The following CSMD3 variants were observed in gnomAD, a reference collection of about 807,000 sequenced individuals.
CSMD3 encodes CUB and Sushi multiple domains 3, also known as CUB and sushi domain-containing protein 3.
CSMD3 carries 177 observed loss-of-function variants against 435.2 expected under a neutral mutation model. The ratio of observed to expected loss-of-function variants is 0.41; its 90% CI spans 0.36 to 0.46. The LOEUF is 0.46. Among genes scored for constraint, CSMD3 ranks in the 20% least tolerant of loss-of-function variants. The pLI is 0.34. For missense variants in CSMD3, 4,265 were observed against 4,504.6 expected (o/e 0.95, Z 1.52); for synonymous variants, 1,656 against 1,520.5 (o/e 1.09, Z -2.07).
chr8:113,360,684 C>T (rs1475496992), intron 1 of CSMD3, among the ~76,000 whole-genome samples: 1 of 150,384 alleles, frequency 6.6e-6, no homozygotes, highest in East Asian at 2.0e-4. Context: ...CGCCATTCTC[C>T]TGCCTCAGCC....
At chr8:112,470,609 T>C (rs1818424813) in intron 32 of CSMD3, among the ~76,000 whole-genome samples, 1 of 152,060 alleles carries the variant, frequency 6.6e-6, no homozygotes, top group African/African-American at 2.4e-5. Context: ...GCATGAAGTA[T>C]GTTAGACATA....
intron 5 of CSMD3, among the ~76,000 whole-genome samples, chr8:113,020,765 G>A (rs545634324): frequency 6.6e-6 from 1 of 152,242 alleles, no homozygotes; most frequent in South Asian, 2.1e-4. Context: ...AGTGTCAAGA[G>A]GAATTACAAA....
At chr8:113,336,876 C>T (rs2094079438) in intron 1 of CSMD3, among the ~76,000 whole-genome samples, 1 of 152,096 alleles carries the variant, frequency 6.6e-6, no homozygotes, top group African/African-American at 2.4e-5. Context: ...TTTCAAGCAC[C>T]ACCACAGTGA....
chr8:112,585,855 T>C (rs771398407), intron 23 of CSMD3, among the ~76,000 whole-genome samples: 2 of 151,662 alleles, frequency 1.3e-5, no homozygotes, highest in Non-Finnish European at 3.0e-5. Context: ...CTCAGTTCTA[T>C]ATACAAGCAT....
rs557072943 is a variant in CSMD3 at position 112,267,864 on chromosome 8, A to C, written c.9509-2274T>G. 5.3e-5 allele frequency among the ~76,000 whole-genome samples: 8 copies of C among 152,310 alleles called. 1 individual carries two copies. The highest frequency in any genetic ancestry group is 1.9e-4 in the African/African-American group (8 of 41,578). ...AGTCAAAGAGGCAGTTTCCAAGAGC[A>C]ACAGTCTTTGTAAACAGCACCTGCT... On this transcript the variant is annotated intron_variant, in intron 59 of 70. Transcript: ENST00000297405.
chr8:112,317,040 TA>T (rs957925699), intron 47 of CSMD3, among the ~76,000 whole-genome samples: 10 of 152,014 alleles, frequency 6.6e-5, no homozygotes, highest in Admixed American at 3.9e-4. Flanking sequence ...AATGTAAAGT[TA>T]GTTTTTTGGC....
chr8:112,754,495 T>G (rs946023700), intron 13 of CSMD3, among the ~76,000 whole-genome samples: 45 of 152,154 alleles, frequency 3.0e-4, no homozygotes, highest in Non-Finnish European at 1.6e-4. Context: ...AAATAGCAAT[T>G]ATCTCTTTTT....
chr8:112,678,411 CA>C (rs2075813779), intron 16 of CSMD3, among the ~76,000 whole-genome samples: 1 of 152,112 alleles, frequency 6.6e-6, no homozygotes, highest in African/African-American at 2.4e-5. Flanking sequence ...AAAGTACCTG[CA>C]ACAAGATGAT....
chr8:112,748,930 T>C (rs2077503360), intron 13 of CSMD3, among the ~76,000 whole-genome samples: 3 of 152,180 alleles, frequency 2.0e-5, no homozygotes, highest in Non-Finnish European at 4.4e-5. Flanking sequence ...CTTTTCAAAA[T>C]TGTTGAACTT....
rs200082317 is a variant in CSMD3 at position 112,916,462 on chromosome 8, GAA to G, written c.1633+5163_1633+5164del. Reference sequence around the variant, plus strand: ...ATAAAGCTTCACACTATGGCTTTTAGAAAAAAAAACCACTAAGAAATATGAAT... The same window carrying G: ...ATAAAGCTTCACACTATGGCTTTTAGAAAAAAACCACTAAGAAATATGAAT... On this transcript the variant is annotated intron_variant, in intron 10 of 70. Coordinates refer to ENST00000297405, the MANE Select transcript of CSMD3 (RefSeq NM_198123.2). Among the ~76,000 whole-genome samples, 6 of 149,560 alleles carry G rather than the reference GAA, an allele frequency of 4.0e-5. No homozygotes were observed. The South Asian group carries it at 1.1e-3, about 26-fold the overall frequency.
intron 30 of CSMD3, among the ~76,000 whole-genome samples, chr8:112,499,586 A>C (rs1177220740): frequency 6.6e-6 from 1 of 152,152 alleles, no homozygotes; most frequent in African/African-American, 2.4e-5. Flanking sequence ...AGAATCATAC[A>C]TATCTGATCA....
intron 17 of CSMD3, among the ~76,000 whole-genome samples, chr8:112,662,210 T>G (rs1398525270): frequency 2.6e-5 from 4 of 152,080 alleles, no homozygotes; most frequent in South Asian, 2.1e-4. Context: ...AGCCCACATT[T>G]CCAAGTCAAT....
At chr8:113,362,916 G>C (rs974970912) in intron 1 of CSMD3, among the ~76,000 whole-genome samples, 4 of 152,148 alleles carry the variant, frequency 2.6e-5, no homozygotes, top group Non-Finnish European at 4.4e-5. Context: ...TGAAGTTTGG[G>C]AGGGTTTAAC....
At position 112,638,835 on chromosome 8, in the gene CSMD3, A is replaced by G. The variant is rs545297802; in HGVS notation, c.3387T>C (p.Phe1129=). 5.6e-6 allele frequency: 9 copies of G among 1,613,314 alleles called. No homozygotes were observed. The Admixed American group carries it at 1.2e-4, about 21-fold the overall frequency. Residue 1129 remains phenylalanine (F), a synonymous_variant, in exon 21 of 71, where the codon TTT becomes TTC. Coordinates refer to ENST00000297405, the MANE Select transcript of CSMD3 (RefSeq NM_198123.2). ...DYLLITENGS[F]TQPLARLTGS... ...CAGTCAGGCGTGCCAGTGGTTGGGT[A>G]AAACTGCCATTCTCTGTGATCAGTA... is the stretch of plus-strand genomic sequence containing the variant.
At chr8:112,640,266 G>T (rs1052583497) in intron 20 of CSMD3, among the ~76,000 whole-genome samples, 2 of 152,042 alleles carry the variant, frequency 1.3e-5, no homozygotes, top group Non-Finnish European at 2.9e-5. Flanking sequence ...CTACCACAGG[G>T]ATCCTTCCCT....
At chr8:113,395,512 G>A (rs566333393) in intron 1 of CSMD3, among the ~76,000 whole-genome samples, 7 of 151,700 alleles carry the variant, frequency 4.6e-5, no homozygotes, top group Non-Finnish European at 7.4e-5. Context: ...GGGAGGCTGA[G>A]GCAGGATAAT....
intron 1 of CSMD3, among the ~76,000 whole-genome samples, chr8:113,340,672 T>A (rs1048646159): frequency 6.6e-6 from 1 of 151,952 alleles, no homozygotes; most frequent in African/African-American, 2.4e-5. Context: ...GCCAGGAGTT[T>A]GAGACCAGTC....
intron 27 of CSMD3, among the ~76,000 whole-genome samples, chr8:112,534,426 C>G (rs1029021806): frequency 6.0e-4 from 91 of 152,258 alleles, no homozygotes; most frequent in Non-Finnish European, 9.9e-4. Context: ...ACTAGAAAAT[C>G]TAGAAGAAAT....
At chr8:112,994,773 G>T (rs1371375223) in intron 6 of CSMD3, among the ~76,000 whole-genome samples, 1 of 151,376 alleles carries the variant, frequency 6.6e-6, no homozygotes, top group Non-Finnish European at 1.5e-5. Flanking sequence ...GTTCATATGT[G>T]CCATGTTTAC....
Sources: allele counts gnomAD v4.1 joint callset (sites outside exome capture counted in the v4.1 genomes callset), GRCh38; gene constraint gnomAD v4.1.1; transcripts MANE v1.5; gene names NCBI Gene and HGNC (gene_info 2026-07-23, HGNC 2026-07-21).